RBFOX2: variants seen among roughly 807,000 people sequenced by gnomAD.
The protein encoded by RBFOX2 is RNA binding fox-1 homolog 2, also known as RNA binding protein fox-1 homolog 2.
Under a neutral mutation model 49.1 loss-of-function variants are expected in RBFOX2, and 10 were observed. That is an observed-to-expected ratio of 0.20 (90% CI 0.13 to 0.35). The LOEUF is 0.35. Among genes scored for constraint, RBFOX2 ranks in the 10% least tolerant of loss-of-function variants. The pLI is 1.00. For missense variants in RBFOX2, 323 were observed against 486.9 expected (o/e 0.66, Z 3.17); for synonymous variants, 183 against 187.4 (o/e 0.98, Z 0.19).
chr22:35,897,689 GT>G (rs2048032344), intron 1 of RBFOX2: 3 of 1,132,456 alleles, frequency 2.6e-6, no homozygotes, highest in East Asian at 4.7e-5. Context: ...ACGTATACTG[GT>G]TGTTTAACTG....
At chr22:35,782,556 T>C (rs961036191) in intron 2 of RBFOX2, among the ~76,000 whole-genome samples, 1 of 152,174 alleles carries the variant, frequency 6.6e-6, no homozygotes, top group East Asian at 1.9e-4. Context: ...CTCCTGACCT[T>C]GTGATCCGCC....
At chr22:36,018,667 G>T (rs1298112150) in intron 1 of RBFOX2, among the ~76,000 whole-genome samples, 1 of 152,230 alleles carries the variant, frequency 6.6e-6, no homozygotes, top group Non-Finnish European at 1.5e-5. Context: ...AGGCTGAAGT[G>T]CAGTGGCTCG....
chr22:35,957,998 A>G (rs1018122120), intron 1 of RBFOX2, among the ~76,000 whole-genome samples: 6 of 152,236 alleles, frequency 3.9e-5, no homozygotes, highest in African/African-American at 1.4e-4. Flanking sequence ...TCAGAGTATA[A>G]AAGAAATACA....
chr22:35,981,898 C>T (rs935575416), intron 1 of RBFOX2, among the ~76,000 whole-genome samples: 1 of 152,170 alleles, frequency 6.6e-6, no homozygotes, highest in African/African-American at 2.4e-5. Flanking sequence ...ACGCACAACA[C>T]ATCAGCATCT....
intron 1 of RBFOX2, among the ~76,000 whole-genome samples, chr22:35,864,535 A>C (rs1183762555): frequency 1.3e-5 from 2 of 152,210 alleles, no homozygotes; most frequent in Non-Finnish European, 2.9e-5. Context: ...AAAAGTTTTG[A>C]TCTAATTCTC....
At chr22:35,947,737 A>T (rs1159519210) in intron 1 of RBFOX2, among the ~76,000 whole-genome samples, 1 of 151,410 alleles carries the variant, frequency 6.6e-6, no homozygotes, top group African/African-American at 2.4e-5. Flanking sequence ...GAATAAGAAT[A>T]CAAATAAAAT....
chr22:35,761,609 T>A lies in RBFOX2; in HGVS notation c.608-141A>T, dbSNP rs972675302. ...CTCTTTGGAATTCCAGCTTGGGGTT[T>A]ATATGAGAGAGTAACAGTAGTAGAA... On this transcript the variant is annotated intron_variant, in intron 6 of 11. Transcript: ENST00000405409. The A allele has an allele frequency of 5.6e-5, 45 of 807,874 alleles. No homozygotes were observed. The Admixed American group carries it at 7.9e-4, about 14-fold the overall frequency. 50.0% of individuals were successfully genotyped at this position (807,874 alleles called of 1,614,324 possible).
chr22:35,833,233 G>T (rs1957105785), intron 1 of RBFOX2, among the ~76,000 whole-genome samples: 1 of 152,172 alleles, frequency 6.6e-6, no homozygotes, highest in African/African-American at 2.4e-5. Context: ...ATTCAAGGAA[G>T]TAGGAAAAAT....
At chr22:35,845,057 C>T (rs1319228472), upstream of RBFOX2, among the ~76,000 whole-genome samples, 1 of 152,072 alleles carries the variant, frequency 6.6e-6, no homozygotes, top group Non-Finnish European at 1.5e-5. Context: ...GTCTACAAGG[C>T]AGGGCTTGCT....
At chr22:36,009,966 T>C (rs565562319) in intron 1 of RBFOX2, among the ~76,000 whole-genome samples, 145 of 152,308 alleles carry the variant, frequency 9.5e-4, no homozygotes, top group African/African-American at 3.3e-3. Context: ...CTGGTACTTC[T>C]TCCGCTCCTG....
At chr22:35,843,912 T>C (rs1167018212), upstream of RBFOX2, among the ~76,000 whole-genome samples, 4 of 152,220 alleles carry the variant, frequency 2.6e-5, no homozygotes, top group African/African-American at 2.4e-5. Context: ...GAAGTTAACA[T>C]TGCTGACCAC....
At chr22:36,001,184 T>TACACACACACACAC (rs57905429) in intron 1 of RBFOX2, among the ~76,000 whole-genome samples, 1 of 133,596 alleles carries the variant, frequency 7.5e-6, no homozygotes, top group African/African-American at 2.8e-5. Flanking sequence ...CCCCAAAACA[T>TACACACACACACAC]ACACACACAC....
intron 1 of RBFOX2, among the ~76,000 whole-genome samples, chr22:35,885,891 C>G (rs2046509257): frequency 1.8e-5 from 2 of 110,734 alleles, no homozygotes; most frequent in South Asian, 3.2e-4. Context: ...GAGTCTCACT[C>G]TGTTGCCCAG....
chr22:35,938,891 G>A, exon 1 of RBFOX2: 1 of 1,613,694 alleles, frequency 6.2e-7, no homozygotes, highest in South Asian at 1.1e-5. Context: ...GGAGTCAGAG[G>A]CTCGTTCTAT....
At chr22:35,944,701 G>C (rs1260031142) in intron 1 of RBFOX2, among the ~76,000 whole-genome samples, 1 of 152,112 alleles carries the variant, frequency 6.6e-6, no homozygotes, top group Non-Finnish European at 1.5e-5. Flanking sequence ...TTTCTTCCTG[G>C]CTTCTATCAT....
chr22:35,825,010 A>C (rs934706394), intron 1 of RBFOX2, among the ~76,000 whole-genome samples: 1 of 152,228 alleles, frequency 6.6e-6, no homozygotes, highest in Admixed American at 6.5e-5. Context: ...ACATGAGGTC[A>C]GGAGTTCCAG....
chr22:35,877,178 T>C (rs2045234023), intron 1 of RBFOX2, among the ~76,000 whole-genome samples: 1 of 151,676 alleles, frequency 6.6e-6, no homozygotes, highest in South Asian at 2.1e-4. Flanking sequence ...TATTTGATAA[T>C]GAAACAAAGA....
intron 1 of RBFOX2, among the ~76,000 whole-genome samples, chr22:35,944,678 G>A (rs1252351909): frequency 1.3e-5 from 2 of 152,160 alleles, no homozygotes; most frequent in Non-Finnish European, 2.9e-5. Flanking sequence ...ACATCATGCT[G>A]CCAATCAAAG....
At chr22:35,837,803 T>C (rs886261732) in intron 1 of RBFOX2, among the ~76,000 whole-genome samples, 2 of 152,228 alleles carry the variant, frequency 1.3e-5, no homozygotes, top group African/African-American at 4.8e-5. Context: ...ATTAGAATTA[T>C]TAAGCACCCC....
Sources: gnomAD v4.1 joint callset for allele counts (sites outside exome capture counted in the v4.1 genomes callset) on GRCh38, gnomAD v4.1.1 for gene constraint, MANE v1.5 for transcripts, NCBI Gene and HGNC (gene_info 2026-07-23, HGNC 2026-07-21) for gene names.